Variants in FGF14 observed in about 807,000 individuals in gnomAD.
The protein encoded by FGF14 is fibroblast growth factor homologous factor 4.
In FGF14, 5 loss-of-function variants were observed where a neutral mutation model predicts 25.5. That is an observed-to-expected ratio of 0.20 (90% CI 0.10 to 0.41). FGF14 has a LOEUF of 0.41. Ranked by LOEUF, FGF14 falls within the 10% of genes least tolerant of loss-of-function variation. The pLI, the probability that FGF14 is intolerant of heterozygous loss-of-function variation, is 1.00. For synonymous variants in FGF14, 138 were observed against 118.3 expected (o/e 1.17, Z -1.08); for missense variants, 222 against 320.1 (o/e 0.69, Z 2.34).
intron 3 of FGF14, among the ~76,000 whole-genome samples, chr13:101,828,436 T>C (rs1390210478): frequency 6.6e-6 from 1 of 151,970 alleles, no homozygotes; most frequent in Non-Finnish European, 1.5e-5. Context: ...GTCAAACAAT[T>C]GATAGAACTA....
chr13:101,891,685 TATAC>T (rs895462559), intron 1 of FGF14, among the ~76,000 whole-genome samples: 5 of 152,046 alleles, frequency 3.3e-5, no homozygotes, highest in South Asian at 2.1e-4. Flanking sequence ...TTTCTATATA[TATAC>T]ATACATACAT....
intron 1 of FGF14, among the ~76,000 whole-genome samples, chr13:102,349,408 C>A (rs138193477): frequency 6.6e-4 from 100 of 152,302 alleles, no homozygotes; most frequent in African/African-American, 2.1e-3. Context: ...ACCCTCTCAG[C>A]TACATTCTCC....
intron 3 of FGF14, among the ~76,000 whole-genome samples, chr13:101,741,024 A>G (rs1357422976): frequency 6.6e-6 from 1 of 152,220 alleles, no homozygotes; most frequent in Non-Finnish European, 1.5e-5. Context: ...CCACATCACC[A>G]CTGAAACATA....
At chr13:101,919,968 G>T (rs1461878654), upstream of FGF14, among the ~76,000 whole-genome samples, 1 of 152,130 alleles carries the variant, frequency 6.6e-6, no homozygotes, top group African/African-American at 2.4e-5. Context: ...TCTCTTCAAC[G>T]TAGCTTCCTA....
chr13:101,946,265 C>T (rs1028245512), intron 1 of FGF14, among the ~76,000 whole-genome samples: 1 of 151,446 alleles, frequency 6.6e-6, no homozygotes, highest in East Asian at 2.0e-4. Flanking sequence ...GATCTGCAGT[C>T]CTGCTCTGCC....
intron 3 of FGF14, among the ~76,000 whole-genome samples, chr13:101,765,391 C>G (rs1277955391): frequency 6.6e-6 from 1 of 152,156 alleles, no homozygotes; most frequent in African/African-American, 2.4e-5. Flanking sequence ...TGGCATTACT[C>G]TACAACTGAC....
chr13:101,796,434 C>T (rs1001924255), intron 3 of FGF14, among the ~76,000 whole-genome samples: 1 of 151,832 alleles, frequency 6.6e-6, no homozygotes, highest in Non-Finnish European at 1.5e-5. Context: ...GTCCTTATGC[C>T]CCCATATTTT....
rs75186603 is a variant in FGF14, at chr13:102,273,053, A to G, written c.208+128418T>C. Among the ~76,000 whole-genome samples, 1,065 of 152,310 alleles carry G rather than the reference A, an allele frequency of 7.0e-3. 16 individuals are homozygous for G. Among genetic ancestry groups the G allele is most frequent in the African/African-American group, 0.023 (939 of 41,572 alleles). ...GTCACGAAATAAATAAAAACTAGTTATGTGAGAGCTAATTCCAATGTCTGT... is the reference window on the plus strand; with the variant it reads ...GTCACGAAATAAATAAAAACTAGTTGTGTGAGAGCTAATTCCAATGTCTGT... On this transcript the variant is annotated intron_variant, in intron 1 of 4. Coordinates refer to the FGF14 transcript ENST00000376131.
intron 3 of FGF14, among the ~76,000 whole-genome samples, chr13:101,867,912 A>ACACG (rs1369510634): frequency 1.3e-5 from 2 of 149,754 alleles, no homozygotes; most frequent in African/African-American, 2.5e-5. Flanking sequence ...ACACACACAC[A>ACACG]CACACACACA....
intron 1 of FGF14, among the ~76,000 whole-genome samples, chr13:102,184,123 G>A (rs146753496): frequency 2.0e-5 from 3 of 152,244 alleles, no homozygotes; most frequent in Non-Finnish European, 4.4e-5. Context: ...TGCTGTACTC[G>A]TAGACACACA....
At chr13:102,178,941 G>A (rs2048558370) in intron 1 of FGF14, among the ~76,000 whole-genome samples, 1 of 152,050 alleles carries the variant, frequency 6.6e-6, no homozygotes, top group Non-Finnish European at 1.5e-5. Context: ...TGGGGAACCT[G>A]ATATTGTACA....
At chr13:101,987,472 G>A (rs2038652923) in intron 1 of FGF14, among the ~76,000 whole-genome samples, 1 of 152,050 alleles carries the variant, frequency 6.6e-6, no homozygotes, top group African/African-American at 2.4e-5. Context: ...ATATTGAAGT[G>A]TTTTTGTTTC....
intron 1 of FGF14, among the ~76,000 whole-genome samples, chr13:102,092,371 C>T (rs550296828): frequency 2.6e-5 from 4 of 152,146 alleles, no homozygotes; most frequent in East Asian, 1.9e-4. Context: ...ATCCCAATTA[C>T]GGGTGACCAA....
chr13:101,863,545 T>C (rs1477907114), intron 3 of FGF14, among the ~76,000 whole-genome samples: 1 of 152,142 alleles, frequency 6.6e-6, no homozygotes, highest in African/African-American at 2.4e-5. Flanking sequence ...AGAATCGGCA[T>C]GTAAAGGTGT....
At chr13:102,251,027 A>C (rs1240238280) in intron 1 of FGF14, among the ~76,000 whole-genome samples, 1 of 152,226 alleles carries the variant, frequency 6.6e-6, no homozygotes. Context: ...TTAACACTTA[A>C]AAATATCAAC....
intron 1 of FGF14, among the ~76,000 whole-genome samples, chr13:102,351,212 A>C (rs1425477340): frequency 6.6e-6 from 1 of 152,168 alleles, no homozygotes; most frequent in Non-Finnish European, 1.5e-5. Flanking sequence ...ATTTTGTAAA[A>C]AGTACAGTTA....
At chr13:102,290,526 C>G (rs1454384509) in intron 1 of FGF14, among the ~76,000 whole-genome samples, 1 of 152,192 alleles carries the variant, frequency 6.6e-6, no homozygotes, top group Non-Finnish European at 1.5e-5. Context: ...CTGAGTGCAA[C>G]AGTTAACAGT....
chr13:102,171,676 CT>C (rs1187814635), intron 1 of FGF14, among the ~76,000 whole-genome samples: 3 of 152,078 alleles, frequency 2.0e-5, no homozygotes, highest in Admixed American at 1.3e-4. Flanking sequence ...ACAGTGCATT[CT>C]TTTTTTCTGA....
intron 1 of FGF14, among the ~76,000 whole-genome samples, chr13:102,011,291 A>G (rs573646329): frequency 6.6e-6 from 1 of 152,240 alleles, no homozygotes; most frequent in East Asian, 1.9e-4. Context: ...TGTACCCAAT[A>G]TATTAAAAAA....
Sources: allele counts gnomAD v4.1 joint callset (sites outside exome capture counted in the v4.1 genomes callset), GRCh38; gene constraint gnomAD v4.1.1; transcripts MANE v1.5; gene names NCBI Gene and HGNC (gene_info 2026-07-23, HGNC 2026-07-21).